CRMP1: variants seen among roughly 807,000 people sequenced by gnomAD.
The protein encoded by CRMP1 is dihydropyrimidinase-related protein 1.
CRMP1 carries 19 observed loss-of-function variants against 68.3 expected under a neutral mutation model. The observed-to-expected ratio is 0.28, with a 90% confidence interval of 0.19 to 0.41. The LOEUF is 0.41. Among genes scored for constraint, CRMP1 ranks in the 10% least tolerant of loss-of-function variants. The pLI is 1.00. For missense variants in CRMP1, 791 were observed against 967.4 expected (o/e 0.82, Z 2.42); for synonymous variants, 439 against 399.6 (o/e 1.10, Z -1.18).
chr4:5,887,501 C>T (rs189667731), intron 1 of CRMP1: 2 of 984,886 alleles, frequency 2.0e-6, no homozygotes, highest in African/African-American at 3.5e-5. Context: ...CTCCCCACCC[C>T]GAGACAAAGC....
chr4:5,868,261 C>CTATATCTA (rs1553907487), intron 1 of CRMP1, among the ~76,000 whole-genome samples: 17 of 111,452 alleles, frequency 1.5e-4, no homozygotes, highest in East Asian at 5.3e-4. Context: ...GACTATATAT[C>CTATATCTA]TATATATATA....
chr4:5,842,996 A>G lies in CRMP1; in HGVS notation c.1032+97T>C, dbSNP rs892042922. The G allele has an allele frequency of 8.6e-7, 1 of 1,162,998 alleles. No individual in the cohort carries two copies. The highest frequency in any genetic ancestry group is 1.3e-6 in the Non-Finnish European group (1 of 780,320). 72.0% of individuals were successfully genotyped at this position (1,162,998 alleles called of 1,614,324 possible). On this transcript the variant is annotated intron_variant, in intron 7 of 13. Coordinates refer to ENST00000324989, the MANE Select transcript of CRMP1 (RefSeq NM_001014809.3). This position sits in a 1 kb window ranked among gnomAD's most constrained non-coding sequence, Gnocchi z 4.5. ...ATGGTCTGGGAGAGGACACGGGAAG[A>G]GGCCGGGTCCTGGCTGGGCTACTCC...
chr4:5,842,650 T>A lies in CRMP1; in HGVS notation c.1032+443A>T, dbSNP rs114237232. 0.016 allele frequency among the ~76,000 whole-genome samples: 2,412 copies of A among 149,980 alleles called. 51 individuals are homozygous for A. The highest frequency in any genetic ancestry group is 0.055 in the African/African-American group (2,254 of 40,770). On this transcript the variant is annotated intron_variant, in intron 7 of 13. Transcript: ENST00000324989. This position sits in a 1 kb window ranked among gnomAD's most constrained non-coding sequence, Gnocchi z 4.5. ...CACACACACACACGCACTGTCTCTC[T>A]CACACACACACACTAACATACACAC...
Position 5,861,912 on chromosome 4 carries a change from A to G in CRMP1, c.471-702T>C, listed in dbSNP as rs1436609984. 6.6e-6 allele frequency among the ~76,000 whole-genome samples: 1 copy of G among 151,830 alleles called. No homozygotes were observed. Among genetic ancestry groups the G allele is most frequent in the African/African-American group, 2.4e-5 (1 of 41,090 alleles). On this transcript the variant is annotated intron_variant, in intron 2 of 13. Transcript: ENST00000324989. The surrounding 1 kb of genome is among the most constrained non-coding windows in gnomAD (Gnocchi z 6.0). ...CAGCATATTAATTTTCTAAGTCACAAAAAACCCTAGTAATAAAGACACAGG... is the reference window on the plus strand; with the variant it reads ...CAGCATATTAATTTTCTAAGTCACAGAAAACCCTAGTAATAAAGACACAGG...
chr4:5,827,442 G>GA (rs1337804165), intron 12 of CRMP1, among the ~76,000 whole-genome samples: 42 of 152,182 alleles, frequency 2.8e-4, no homozygotes, highest in African/African-American at 9.9e-4. Context: ...GGAAGCTGGG[G>GA]AGAGACCAAA....
At position 5,860,817 on chromosome 4, in the gene CRMP1, GTAT is replaced by G. The variant is rs1324127863; in HGVS notation, c.655+206_655+208del. ...TTTTAAAATTGGTACCTATAAAACC[GTAT>G]TGTTTATTAAGCCATCTTCTGTGGC... On this transcript the variant is annotated intron_variant, in intron 3 of 13. Coordinates refer to ENST00000324989, the MANE Select transcript of CRMP1 (RefSeq NM_001014809.3). This position sits in a 1 kb window ranked among gnomAD's most constrained non-coding sequence, Gnocchi z 4.2. 6.6e-6 allele frequency among the ~76,000 whole-genome samples: 1 copy of G among 152,060 alleles called. No homozygotes were observed. The highest frequency in any genetic ancestry group is 6.6e-5 in the Admixed American group (1 of 15,254).
At position 5,866,591 on chromosome 4, in the gene CRMP1, G is replaced by A; in HGVS notation, c.470+77C>T. 1 of 1,058,716 alleles carries A rather than the reference G, an allele frequency of 9.4e-7. No homozygotes were observed. Among genetic ancestry groups the A allele is most frequent in the Admixed American group, 1.9e-5 (1 of 52,862 alleles). 65.6% of individuals were successfully genotyped at this position (1,058,716 alleles called of 1,614,324 possible). ...CAGCCCCGTCATTCTAGGACAGAAT[G>A]CCAGCCTTCTGTTCCATCTAAGGCC... On this transcript the variant is annotated intron_variant, in intron 2 of 13. Coordinates refer to ENST00000324989, the MANE Select transcript of CRMP1 (RefSeq NM_001014809.3). The surrounding 1 kb of genome is among the most constrained non-coding windows in gnomAD (Gnocchi z 5.9).
chr4:5,823,909 G>C (rs1056903160), intron 13 of CRMP1, among the ~76,000 whole-genome samples: 1 of 152,278 alleles, frequency 6.6e-6, no homozygotes, highest in South Asian at 2.1e-4. Context: ...TATTAAAAAG[G>C]GCATCTGTGA....
chr4:5,863,609 G>GC (rs1228754289), intron 2 of CRMP1, among the ~76,000 whole-genome samples: 1 of 152,030 alleles, frequency 6.6e-6, no homozygotes. Context: ...TGAGACAGAC[G>GC]CCCCTCCCCC....
rs1715882045 is a variant in CRMP1 at position 5,890,323 on chromosome 4, C to T, written c.381+2266G>A. ...CAGATCGCTGCTCCCAAGCAGATTT[C>T]GCCGGTACAAAGCGCCGCAGCCGCT... On this transcript the variant is annotated intron_variant, in intron 1 of 13. Coordinates refer to ENST00000324989, the MANE Select transcript of CRMP1 (RefSeq NM_001014809.3). The surrounding 1 kb of genome is among the most constrained non-coding windows in gnomAD (Gnocchi z 5.5). 6.6e-6 allele frequency: 1 copy of T among 152,406 alleles called. No individual in the cohort carries two copies. Among genetic ancestry groups the T allele is most frequent in the Non-Finnish European group, 1.5e-5 (1 of 68,182 alleles). 9.4% of individuals were successfully genotyped at this position (152,406 alleles called of 1,614,324 possible).
intron 3 of CRMP1, among the ~76,000 whole-genome samples, chr4:5,856,567 C>A (rs1713077080): frequency 6.6e-6 from 1 of 151,834 alleles, no homozygotes; most frequent in African/African-American, 2.4e-5. Flanking sequence ...ATCACCACTA[C>A]CACCACCATC....
rs575854131 is a variant in CRMP1, at chr4:5,883,098, A to G, written c.381+9491T>C. Among the ~76,000 whole-genome samples the G allele has an allele frequency of 6.6e-6, 1 of 151,878 alleles. No individual in the cohort carries two copies. The highest frequency in any genetic ancestry group is 2.1e-4 in the South Asian group (1 of 4,776). On this transcript the variant is annotated intron_variant, in intron 1 of 13. Transcript: ENST00000324989. This position sits in a 1 kb window ranked among gnomAD's most constrained non-coding sequence, Gnocchi z 4.5. ...GCATGCCCTTCCCTTCCCTCAACCA[A>G]TCAAGTCCCTCAACACCTGGCTGAT...
In CRMP1 at chr4:5,889,898, A is replaced by C; in HGVS notation, c.381+2691T>G. On this transcript the variant is annotated intron_variant, in intron 1 of 13. Coordinates refer to ENST00000324989, the MANE Select transcript of CRMP1 (RefSeq NM_001014809.3). The surrounding 1 kb of genome is among the most constrained non-coding windows in gnomAD (Gnocchi z 4.5). ...CACAGAGAAGCCAGCTCAGTATCCC[A>C]GGAACACTAGGCATAATTTTCCCAT... 2 of 1,408,812 alleles carry C rather than the reference A, an allele frequency of 1.4e-6. No homozygotes were observed. Among genetic ancestry groups the C allele is most frequent in the Non-Finnish European group, 1.8e-6 (2 of 1,083,058 alleles). The allele number at this position is 1,408,812 out of a possible 1,614,324, so 87.3% of individuals were successfully genotyped here.
At position 5,888,236 on chromosome 4, in the gene CRMP1, G is replaced by T; in HGVS notation, c.381+4353C>A. On this transcript the variant is annotated intron_variant, in intron 1 of 13. Coordinates refer to ENST00000324989, the MANE Select transcript of CRMP1 (RefSeq NM_001014809.3). This position sits in a 1 kb window ranked among gnomAD's most constrained non-coding sequence, Gnocchi z 6.4. ...GGGCGGGGGCCGCTTACCGTGATGT[G>T]CGGGATGCTCTTCTTGCCCTGGTAC... 7.8e-7 allele frequency: 1 copy of T among 1,285,108 alleles called. No individual in the cohort carries two copies. Among genetic ancestry groups the T allele is most frequent in the East Asian group, 3.0e-5 (1 of 32,990 alleles). The allele number at this position is 1,285,108 out of a possible 1,614,324, so 79.6% of individuals were successfully genotyped here. A position where few individuals can be genotyped will look rare whatever the true frequency, so the allele number is the denominator to read the frequency against.
chr4:5,887,845 G>A, intron 1 of CRMP1: 2 of 1,001,032 alleles, frequency 2.0e-6, no homozygotes, highest in Non-Finnish European at 1.2e-6. Context: ...GAGCCAAGGA[G>A]GCTCAGCTCA....
chr4:5,861,221 A>G lies in CRMP1; in HGVS notation c.471-11T>C, dbSNP rs757608080. On this transcript the variant is annotated splice_polypyrimidine_tract_variant and intron_variant, in intron 2 of 13. Coordinates refer to ENST00000324989, the MANE Select transcript of CRMP1 (RefSeq NM_001014809.3). This position sits in a 1 kb window ranked among gnomAD's most constrained non-coding sequence, Gnocchi z 6.0. Reference sequence around the variant, plus strand: ...TTCTCTCCTATTTGTCTGGAGGCAAACAACAGAGACAGCCTTGGTTCTTAA... The same window carrying G: ...TTCTCTCCTATTTGTCTGGAGGCAAGCAACAGAGACAGCCTTGGTTCTTAA... 14 of 1,610,538 alleles carry G rather than the reference A, an allele frequency of 8.7e-6. No individual in the cohort carries two copies. In the Admixed American group the frequency reaches 1.5e-4, roughly 17 times the overall value.
intron 2 of CRMP1, among the ~76,000 whole-genome samples, chr4:5,863,102 TTTTC>T (rs925242971): frequency 3.6e-5 from 5 of 138,424 alleles, no homozygotes; most frequent in Non-Finnish European, 6.4e-5. Context: ...GCCTGACCTT[TTTTC>T]TTTTTTTCCT....
At chr4:5,873,911 G>A (rs755297451) in intron 1 of CRMP1, among the ~76,000 whole-genome samples, 1 of 152,176 alleles carries the variant, frequency 6.6e-6, no homozygotes, top group Non-Finnish European at 1.5e-5. Context: ...CTGTGGTGAA[G>A]GTCATGGAGG....
At chr4:5,824,231 G>A (rs544107730) in intron 13 of CRMP1, 5 of 937,526 alleles carry the variant, frequency 5.3e-6, no homozygotes, top group Non-Finnish European at 6.4e-6. Flanking sequence ...GTTGCACCCA[G>A]ATAGCTTTTT....
Sources: allele counts gnomAD v4.1 joint callset (sites outside exome capture counted in the v4.1 genomes callset), GRCh38; gene constraint gnomAD v4.1.1; non-coding constraint Gnocchi (gnomAD v3.1); transcripts MANE v1.5; gene names NCBI Gene and HGNC (gene_info 2026-07-23, HGNC 2026-07-21).